Variants in CNTNAP2 observed in about 807,000 individuals in gnomAD.
The protein encoded by CNTNAP2 is contactin-associated protein-like 2.
A neutral mutation model predicts 155.2 loss-of-function variants in CNTNAP2; 98 were observed. That is an observed-to-expected ratio of 0.63 (90% confidence interval 0.54 to 0.75). The LOEUF is 0.75. Ranked by LOEUF, CNTNAP2 falls within the 30% of genes least tolerant of loss-of-function variation. CNTNAP2 has a pLI of 0.00. For missense variants in CNTNAP2, 1,727 were observed against 1,688.1 expected (o/e 1.02, Z -0.40); for synonymous variants, 651 against 631.2 (o/e 1.03, Z -0.47).
At chr7:147,508,679 T>A (rs150524667) in intron 11 of CNTNAP2, among the ~76,000 whole-genome samples, 158 of 152,300 alleles carry the variant, frequency 1.0e-3, no homozygotes, top group African/African-American at 3.4e-3. Flanking sequence ...TGGGAGATAA[T>A]TAAATCATAG....
chr7:148,199,080 G>C (rs1355789000), intron 18 of CNTNAP2, among the ~76,000 whole-genome samples: 1 of 152,144 alleles, frequency 6.6e-6, no homozygotes, highest in Non-Finnish European at 1.5e-5. Flanking sequence ...GAGGGAGGTG[G>C]AGTTCATAGA....
chr7:147,599,939 T>C (rs1365308361), intron 12 of CNTNAP2, among the ~76,000 whole-genome samples: 1 of 152,244 alleles, frequency 6.6e-6, no homozygotes, highest in East Asian at 1.9e-4. Flanking sequence ...TATTCAGTTA[T>C]ATCAGGTAAT....
At chr7:147,689,897 A>G (rs1796064400) in intron 13 of CNTNAP2, among the ~76,000 whole-genome samples, 2 of 152,118 alleles carry the variant, frequency 1.3e-5, no homozygotes, top group Admixed American at 1.3e-4. Context: ...CATCCCTTTT[A>G]TTTCAGCAAT....
chr7:147,715,760 C>T (rs1796474253), intron 13 of CNTNAP2, among the ~76,000 whole-genome samples: 1 of 152,060 alleles, frequency 6.6e-6, no homozygotes, highest in African/African-American at 2.4e-5. Context: ...AGTCTAAGAA[C>T]TCTTTCCTTG....
chr7:146,980,426 A>G (rs1372995237), intron 3 of CNTNAP2, among the ~76,000 whole-genome samples: 1 of 152,136 alleles, frequency 6.6e-6, no homozygotes, highest in African/African-American at 2.4e-5. Context: ...AGTCCAGGTA[A>G]TCTTGGTTGG....
At chr7:147,201,317 G>T (rs373039550) in intron 8 of CNTNAP2, among the ~76,000 whole-genome samples, 1 of 152,064 alleles carries the variant, frequency 6.6e-6, no homozygotes, top group South Asian at 2.1e-4. Context: ...TTTCAGTAAA[G>T]AATGTTAAAA....
At chr7:147,132,649 T>C in intron 8 of CNTNAP2, 140 bp downstream of exon 8, 1 of 1,158,144 alleles carries the variant, frequency 8.6e-7, no homozygotes, top group South Asian at 1.3e-5. Context: ...TACTTGGTTG[T>C]AGTGTGTGCT....
chr7:146,946,007 G>C (rs1220005578), intron 3 of CNTNAP2, among the ~76,000 whole-genome samples: 1 of 152,088 alleles, frequency 6.6e-6, no homozygotes, highest in Non-Finnish European at 1.5e-5. Context: ...GCCAAAGAGA[G>C]ACCTTTGGTG....
At chr7:146,166,077 G>GT (rs543554599) in intron 1 of CNTNAP2, among the ~76,000 whole-genome samples, 1 of 151,984 alleles carries the variant, frequency 6.6e-6, no homozygotes, top group East Asian at 1.9e-4. Flanking sequence ...CCCCACCCCT[G>GT]TTTTTTTGGT....
chr7:146,521,186 T>G (rs1797611821), intron 1 of CNTNAP2, among the ~76,000 whole-genome samples: 2 of 151,880 alleles, frequency 1.3e-5, no homozygotes, highest in African/African-American at 4.8e-5. Context: ...AGTAAATATT[T>G]TAAGCTCTTT....
chr7:146,883,381 T>C (rs1795592129), intron 3 of CNTNAP2, among the ~76,000 whole-genome samples: 1 of 152,176 alleles, frequency 6.6e-6, no homozygotes, highest in African/African-American at 2.4e-5. Flanking sequence ...TTGCTAGTAG[T>C]AATTCTCAAA....
intron 10 of CNTNAP2, among the ~76,000 whole-genome samples, chr7:147,422,210 A>AAT (rs1011384262): frequency 1.4e-5 from 2 of 145,248 alleles, no homozygotes; most frequent in Admixed American, 6.8e-5. Context: ...ATATATACAC[A>AAT]ATATATATAC....
At chr7:146,761,148 C>T (rs141646467) in intron 1 of CNTNAP2, among the ~76,000 whole-genome samples, 31 of 152,266 alleles carry the variant, frequency 2.0e-4, no homozygotes, top group African/African-American at 7.5e-4. Flanking sequence ...TGGTCACTGT[C>T]CCATATGCCA....
At position 147,610,659 on chromosome 7, in the gene CNTNAP2, A is replaced by ACTT. The variant is rs1801166617; in HGVS notation, c.1898-28447_1898-28446insCTT. ...AGAGATGAGAGAGCTAGCCCAGGGG[A>ACTT]GTTTTAGGGGAAGCATCTTCTAGTC... is the stretch of plus-strand genomic sequence containing the variant. On this transcript the variant is annotated intron_variant, in intron 12 of 23. Coordinates refer to ENST00000361727, the MANE Select transcript of CNTNAP2 (RefSeq NM_014141.6). Among the ~76,000 whole-genome samples, 3 of 152,106 alleles carry ACTT rather than the reference A, an allele frequency of 2.0e-5. No homozygotes were observed. In the South Asian group the frequency reaches 6.2e-4, roughly 32 times the overall value.
intron 13 of CNTNAP2, among the ~76,000 whole-genome samples, chr7:147,663,359 G>T (rs148902147): frequency 5.3e-5 from 8 of 152,198 alleles, no homozygotes; most frequent in African/African-American, 1.7e-4. Flanking sequence ...TTGCAAAGTT[G>T]TTAGAAAAAG....
chr7:146,171,032 A>G (rs1798382433), intron 1 of CNTNAP2, among the ~76,000 whole-genome samples: 1 of 151,972 alleles, frequency 6.6e-6, no homozygotes, highest in Non-Finnish European at 1.5e-5. Flanking sequence ...GTCTAAAAAT[A>G]AATAAATAAA....
chr7:147,481,718 T>C (rs1798425876), intron 10 of CNTNAP2, among the ~76,000 whole-genome samples: 1 of 152,310 alleles, frequency 6.6e-6, no homozygotes, highest in African/African-American at 2.4e-5. Flanking sequence ...GCATCACTTC[T>C]TCTGGAGTCA....
At chr7:148,308,950 C>G (rs969015118) in intron 21 of CNTNAP2, among the ~76,000 whole-genome samples, 4 of 152,156 alleles carry the variant, frequency 2.6e-5, no homozygotes, top group Non-Finnish European at 2.9e-5. Context: ...TGTATATGTG[C>G]CACATTTTCT....
intron 1 of CNTNAP2, among the ~76,000 whole-genome samples, chr7:146,603,048 A>G (rs535967932): frequency 1.3e-5 from 2 of 151,724 alleles, no homozygotes; most frequent in East Asian, 3.9e-4. Context: ...AAGCAAGCAT[A>G]GGGCTCTGCA....
Sources: allele counts gnomAD v4.1 joint callset (sites outside exome capture counted in the v4.1 genomes callset), GRCh38; gene constraint gnomAD v4.1.1; transcripts MANE v1.5; gene names NCBI Gene and HGNC (gene_info 2026-07-23, HGNC 2026-07-21).